Variants in FCRL2 observed in about 807,000 individuals in gnomAD.
FCRL2 encodes Fc receptor like 2.
FCRL2 carries 48 observed loss-of-function variants against 59.8 expected under a neutral mutation model. The observed-to-expected ratio is 0.80, with a 90% CI of 0.64 to 1.02. The LOEUF (loss-of-function observed/expected upper bound fraction) is 1.02. FCRL2 is among the 50% of genes least tolerant of loss of function. The pLI, the probability that FCRL2 is intolerant of heterozygous loss-of-function variation, is 0.00. For missense variants in FCRL2, 658 were observed against 597.3 expected (o/e 1.10, Z -1.06); for synonymous variants, 251 against 229.5 (o/e 1.09, Z -0.85).
chr1:157,769,558 G>C (rs183520182), intron 4 of FCRL2: 142 of 242,896 alleles, frequency 5.8e-4, no homozygotes, highest in Non-Finnish European at 9.6e-4. Flanking sequence ...CTCCCTAGTA[G>C]CTGGGACTAC....
intron 7 of FCRL2, among the ~76,000 whole-genome samples, chr1:157,760,785 G>A (rs998962652): frequency 2.8e-5 from 4 of 144,506 alleles, no homozygotes; most frequent in East Asian, 2.0e-4. Flanking sequence ...AAGGAAGGAA[G>A]GAAGGAGGGA....
At chr1:157,761,706 AT>A (rs1161263657) in intron 7 of FCRL2, among the ~76,000 whole-genome samples, 2 of 151,950 alleles carry the variant, frequency 1.3e-5, no homozygotes, top group African/African-American at 4.8e-5. Flanking sequence ...GTCACTGGTA[AT>A]TTTTTTTGAC....
intron 1 of FCRL2, 27 bp from the exon 2 acceptor site, chr1:157,775,822 T>G: frequency 6.2e-7 from 1 of 1,613,446 alleles, no homozygotes. Flanking sequence ...AGCCAGAGAT[T>G]AGCACACAGC....
At chr1:157,769,282 C>T in intron 4 of FCRL2, 1 of 155,754 alleles carries the variant, frequency 6.4e-6, no homozygotes, top group Non-Finnish European at 1.4e-5. Flanking sequence ...CTACTAAATG[C>T]CAAGGCATAC....
Position 157,767,413 on chromosome 1 carries a change from G to A in FCRL2, c.980C>T (p.Ser327Phe), listed in dbSNP as rs1649590151. Residue 327 changes from serine to phenylalanine, a missense_variant, in exon 6 of 12, where the codon TCT (serine) becomes TTT (phenylalanine). Coordinates refer to ENST00000361516, the MANE Select transcript of FCRL2 (RefSeq NM_030764.4). The stretch of plus-strand genomic sequence containing the variant: ...ATAAAATTGGTACAAGATTGGGGGA[G>A]AGCCTCTCAGGGCCTCACAGTGAAG... ...LELHCEALRG[S>F]PPILYQFYHE... 6.2e-7 allele frequency: 1 copy of A among 1,614,216 alleles called. No individual in the cohort carries two copies. Among genetic ancestry groups the A allele is most frequent in the Non-Finnish European group, 8.5e-7 (1 of 1,180,024 alleles).
intron 7 of FCRL2, among the ~76,000 whole-genome samples, chr1:157,764,180 GC>G (rs1172272119): frequency 6.6e-6 from 1 of 151,972 alleles, no homozygotes; most frequent in African/African-American, 2.4e-5. Flanking sequence ...CTCCAGCCTG[GC>G]GACAGAGCAA....
At position 157,769,981 on chromosome 1, in the gene FCRL2, C is replaced by T. The variant is rs750200414; in HGVS notation, c.480G>A (p.Pro160=). The T allele has an allele frequency of 3.1e-6, 5 of 1,614,148 alleles. 1 individual carries two copies. In the South Asian group the frequency reaches 3.3e-5, roughly 11 times the overall value. The stretch of plus-strand genomic sequence containing the variant: ...TCCACACGGCAGAAATCTGGAGCTC[C>T]GGAGAGCTGCTCCAGCCTGACCCCA... The part of the protein sequence containing the change: ...QVLGSGWSSS[P]ELQISAVWSE... The change falls in exon 4 of 12, where the codon CCG becomes CCA. Residue 160 remains proline, a synonymous_variant. Coordinates refer to ENST00000361516, the MANE Select transcript of FCRL2 (RefSeq NM_030764.4).
rs1196014294 is a variant in FCRL2 at position 157,746,712 on chromosome 1, C to T, written c.*24G>A. Reference sequence around the variant, plus strand: ...ATGATGCCCCATCCTTGCTGTTGATCTTCCCTTCTGATTCCTCCAAGTGTT... The same window carrying T: ...ATGATGCCCCATCCTTGCTGTTGATTTTCCCTTCTGATTCCTCCAAGTGTT... On this transcript the variant is annotated 3_prime_UTR_variant, in exon 12 of 12. Coordinates refer to ENST00000361516, the MANE Select transcript of FCRL2 (RefSeq NM_030764.4). The T allele has an allele frequency of 1.9e-6, 3 of 1,611,288 alleles. No individual in the cohort carries two copies. Among genetic ancestry groups the T allele is most frequent in the Non-Finnish European group, 2.5e-6 (3 of 1,177,630 alleles).
intron 2 of FCRL2, among the ~76,000 whole-genome samples, chr1:157,771,793 A>C (rs1650042409): frequency 6.6e-6 from 1 of 152,142 alleles, no homozygotes; most frequent in Non-Finnish European, 1.5e-5. Context: ...TCAAATAAAA[A>C]TCTTTCCTGT....
chr1:157,764,030 A>AT (rs1649310379), intron 7 of FCRL2, among the ~76,000 whole-genome samples: 2 of 45,422 alleles, frequency 4.4e-5, no homozygotes, highest in South Asian at 1.7e-3. Flanking sequence ...ACTTCATCTC[A>AT]AAAAAAAAAA....
At chr1:157,757,394 G>T (rs2101693851) in intron 7 of FCRL2, among the ~76,000 whole-genome samples, 1 of 152,248 alleles carries the variant, frequency 6.6e-6, no homozygotes, top group Admixed American at 6.5e-5. Flanking sequence ...AGAAGGGACG[G>T]GTTGAAGGGT....
At chr1:157,750,355 A>G (rs1399408509) in intron 7 of FCRL2, among the ~76,000 whole-genome samples, 1 of 152,232 alleles carries the variant, frequency 6.6e-6, no homozygotes, top group Non-Finnish European at 1.5e-5. Flanking sequence ...ACCCCAGCTC[A>G]AAAGCTTCAT....
At chr1:157,767,736 C>T (rs1041095147) in intron 5 of FCRL2, 4 of 1,501,658 alleles carry the variant, frequency 2.7e-6, no homozygotes, top group Non-Finnish European at 3.6e-6. Context: ...ATCTGTTGTT[C>T]TCATCTGATT....
rs1278836052 is a variant in FCRL2, at chr1:157,769,694, T to G, written c.595+172A>C. On this transcript the variant is annotated intron_variant, in intron 4 of 11. Coordinates refer to ENST00000361516, the MANE Select transcript of FCRL2 (RefSeq NM_030764.4). ...TGCCCGTCTCAGCCTCCCAAAGTGC[T>G]GGGATTACAGGCGTGAGCCACCGCG... 4 of 634,696 alleles carry G rather than the reference T, an allele frequency of 6.3e-6. No individual in the cohort carries two copies. In the African/African-American group the frequency reaches 7.4e-5, roughly 12 times the overall value. The allele number at this position is 634,696 out of a possible 1,614,324, so 39.3% of individuals were successfully genotyped here.
At position 157,768,489 on chromosome 1, in the gene FCRL2, C is replaced by G; in HGVS notation, c.808G>C (p.Ala270Pro). ...LEIPAVKESDAGKYYCRADNG... is the reference protein window; with the variant it reads ...LEIPAVKESDPGKYYCRADNG... ...TCAGCTCTACAGTAATATTTGCCGG[C>G]ATCACTCTCTTTCACAGCTGGGATC... Residue 270 changes from alanine (A) to proline (P), a missense_variant, in exon 5 of 12, where the codon GCC becomes CCC. Ala to Pro is a conservative substitution (Grantham distance 27). Transcript: ENST00000361516. The G allele has an allele frequency of 6.2e-7, 1 of 1,614,226 alleles. No homozygotes were observed. Among genetic ancestry groups the G allele is most frequent in the Non-Finnish European group, 8.5e-7 (1 of 1,180,042 alleles).
chr1:157,768,190 G>C, intron 5 of FCRL2: 1 of 519,260 alleles, frequency 1.9e-6, no homozygotes. Flanking sequence ...TCGTAGGATT[G>C]CAAGAATGCT....
rs1355206352 is a variant in FCRL2, at chr1:157,766,760, GT to G, written c.1279+94del. On this transcript the variant is annotated intron_variant, in intron 7 of 11. Transcript: ENST00000361516. ...AAAAGAAATTATTGGCTTTTGGAGA[GT>G]TTTCTTTTCTCTCTTCTTTTTTTGT... is the stretch of plus-strand genomic sequence containing the variant. The G allele has an allele frequency of 1.9e-6, 3 of 1,568,064 alleles. No homozygotes were observed. The African/African-American group carries it at 4.2e-5, about 22-fold the overall frequency.
intron 4 of FCRL2, 78 bp downstream of exon 4, chr1:157,769,788 G>C (rs1171206256): frequency 4.7e-6 from 7 of 1,501,152 alleles, no homozygotes; most frequent in Non-Finnish European, 4.5e-6. Context: ...GTTGAACAAA[G>C]AAACAGACTA....
Position 157,768,669 on chromosome 1 carries a change from G to A in FCRL2, c.628C>T (p.Arg210Trp), listed in dbSNP as rs768755001. Residue 210 changes from arginine to tryptophan, a missense_variant, in exon 5 of 12, where the codon CGG (arginine) becomes TGG (tryptophan). Physicochemically the swap from Arg to Trp is moderately radical, Grantham distance 101. Transcript: ENST00000361516. Reference sequence around the variant, plus strand: ...TCAGTCACCTGTCCCCCGGGGGCCCGGATCTCCAAGCTTACATTAGAGATG... The same window carrying A: ...TCAGTCACCTGTCCCCCGGGGGCCCAGATCTCCAAGCTTACATTAGAGATG... ...IPISNVSLEI[R>W]APGGQVTEGQ... 16 of 1,613,274 alleles carry A rather than the reference G, an allele frequency of 9.9e-6. No homozygotes were observed. The highest frequency in any genetic ancestry group is 1.6e-4 in the Middle Eastern group (1 of 6,068).
Sources: allele counts gnomAD v4.1 joint callset (sites outside exome capture counted in the v4.1 genomes callset), GRCh38; gene constraint gnomAD v4.1.1; transcripts MANE v1.5; gene names NCBI Gene and HGNC (gene_info 2026-07-23, HGNC 2026-07-21).